The following VPS53 variants were observed in gnomAD, a reference collection of about 807,000 sequenced individuals.
The protein encoded by VPS53 is vacuolar protein sorting-associated protein 53 homolog.
In VPS53, 70 loss-of-function variants were observed where a neutral mutation model predicts 107.0. The ratio of observed to expected loss-of-function variants is 0.65; its 90% confidence interval spans 0.54 to 0.80. VPS53 has a LOEUF of 0.80. VPS53 is among the 30% of genes least tolerant of loss of function. The pLI, the probability that VPS53 is intolerant of heterozygous loss-of-function variation, is 0.00. For synonymous variants in VPS53, 409 were observed against 393.3 expected, an observed-to-expected ratio of 1.04 and a Z score of -0.47; for missense variants, 917 against 1,049.4, an observed-to-expected ratio of 0.87 and a Z score of 1.74.
chr17:616,469 C>T (rs1004845941), intron 11 of VPS53: 2 of 152,284 alleles, frequency 1.3e-5, no homozygotes, highest in Non-Finnish European at 2.9e-5. Flanking sequence ...AATATGAAAA[C>T]CAAAAAGGAA....
intron 13 of VPS53, among the ~76,000 whole-genome samples, chr17:572,522 G>A (rs532704293): frequency 6.6e-5 from 10 of 152,108 alleles, no homozygotes; most frequent in African/African-American, 2.2e-4. Context: ...GCGCGTCTGG[G>A]ACGTGTGCCC....
At chr17:652,528 C>T (rs1162033807) in intron 7 of VPS53, among the ~76,000 whole-genome samples, 1 of 152,110 alleles carries the variant, frequency 6.6e-6, no homozygotes, top group Non-Finnish European at 1.5e-5. Flanking sequence ...GTGAGGAAGT[C>T]CAAGCAGCCC....
rs938765341 is a variant in VPS53 at position 518,937 on chromosome 17, C to T, written c.*191G>A. The stretch of plus-strand genomic sequence containing the variant: ...CTAAATCGCCCTCTTAGAGCCCAGC[C>T]CTTACTCAGCGTCTCCGATTAGGGC... On this transcript the variant is annotated 3_prime_UTR_variant, in exon 22 of 22. Coordinates refer to ENST00000437048, the MANE Select transcript of VPS53 (RefSeq NM_001128159.3). 1.0e-5 allele frequency: 6 copies of T among 591,802 alleles called. No individual in the cohort carries two copies. The highest frequency in any genetic ancestry group is 1.6e-5 in the Non-Finnish European group (6 of 364,356). The allele number at this position is 591,802 out of a possible 1,614,324, so 36.7% of individuals were successfully genotyped here. A position where few individuals can be genotyped will look rare whatever the true frequency, so the allele number is the denominator to read the frequency against.
intron 13 of VPS53, among the ~76,000 whole-genome samples, chr17:570,446 T>C (rs1324768775): frequency 6.7e-6 from 1 of 149,690 alleles, no homozygotes; most frequent in Non-Finnish European, 1.5e-5. Flanking sequence ...TGCCTCCTGA[T>C]ATGAATTCCT....
chr17:704,682 C>T (rs554577759), intron 2 of VPS53, among the ~76,000 whole-genome samples: 108 of 152,210 alleles, frequency 7.1e-4, no homozygotes, highest in Non-Finnish European at 1.4e-3. Context: ...CGTGACTGTA[C>T]ATTATCATAT....
At chr17:585,799 A>T (rs1245339295) in intron 13 of VPS53, among the ~76,000 whole-genome samples, 2 of 152,250 alleles carry the variant, frequency 1.3e-5, no homozygotes, top group Non-Finnish European at 2.9e-5. Flanking sequence ...CGATTTTGGT[A>T]ACTCTGGTTG....
chr17:544,559 G>C (rs1567612223), intron 17 of VPS53, among the ~76,000 whole-genome samples: 1 of 152,122 alleles, frequency 6.6e-6, no homozygotes, highest in South Asian at 2.1e-4. Context: ...TGCAACCTCT[G>C]CCTCTCAGGC....
In VPS53 at chr17:521,667, C is replaced by T. The variant is rs1177596024; in HGVS notation, c.2157G>A (p.Arg719=). 1.9e-6 allele frequency: 3 copies of T among 1,550,930 alleles called. No individual in the cohort carries two copies. Among genetic ancestry groups the T allele is most frequent in the South Asian group, 1.2e-5 (1 of 83,886 alleles). The change falls in exon 20 of 22, where the codon AGG becomes AGA. Residue 719 remains arginine, a synonymous_variant. Coordinates refer to ENST00000437048, the MANE Select transcript of VPS53 (RefSeq NM_001128159.3). The part of the protein sequence containing the change: ...DLPSISSQVV[R]KAPASYTKIV... ...TCTTGGTGTAGCTGGCGGGTGCCTT[C>T]CTCACCACCTGCGAGCTGATGGAGG...
At chr17:522,760 A>G (rs757945619) in intron 19 of VPS53, among the ~76,000 whole-genome samples, 4 of 152,200 alleles carry the variant, frequency 2.6e-5, no homozygotes, top group African/African-American at 9.7e-5. Flanking sequence ...TGGGATGCCA[A>G]TTATCTAGAA....
chr17:705,752 T>C (rs907491072), intron 2 of VPS53: 6 of 151,994 alleles, frequency 3.9e-5, no homozygotes, highest in African/African-American at 1.2e-4. Flanking sequence ...ATAATAATAA[T>C]ACTCAGCTGG....
At chr17:635,072 T>C (rs1329700136) in intron 7 of VPS53, among the ~76,000 whole-genome samples, 1 of 152,244 alleles carries the variant, frequency 6.6e-6, no homozygotes, top group African/African-American at 2.4e-5. Context: ...TTCCTGACTT[T>C]TTAATGATCA....
intron 7 of VPS53, 126 bp downstream of exon 7, chr17:653,165 T>G: frequency 1.3e-6 from 2 of 1,561,486 alleles, no homozygotes; most frequent in Non-Finnish European, 1.7e-6. Flanking sequence ...CGGTGACAGT[T>G]TACCTTTTGG....
chr17:706,610 TTAAC>T (rs1274133023), intron 2 of VPS53, among the ~76,000 whole-genome samples: 1 of 152,144 alleles, frequency 6.6e-6, no homozygotes, highest in African/African-American at 2.4e-5. Flanking sequence ...TACTGTGAGA[TTAAC>T]TATCAAGATA....
At chr17:650,618 GAGGGTA>G (rs1480636695) in intron 7 of VPS53, among the ~76,000 whole-genome samples, 17 of 152,232 alleles carry the variant, frequency 1.1e-4, no homozygotes, top group African/African-American at 3.9e-4. Context: ...AAGTGTTGCT[GAGGGTA>G]AGGGTGCTCT....
At chr17:616,751 C>G (rs956523867) in intron 11 of VPS53, among the ~76,000 whole-genome samples, 1 of 152,254 alleles carries the variant, frequency 6.6e-6, no homozygotes, top group Non-Finnish European at 1.5e-5. Context: ...CTTGAGTAAG[C>G]TCCTGTCAGT....
At chr17:586,413 A>G in intron 12 of VPS53, 49 bp from the exon 13 acceptor site, 1 of 1,557,960 alleles carries the variant, frequency 6.4e-7, no homozygotes, top group Non-Finnish European at 8.8e-7. Flanking sequence ...ATCTTTGCAA[A>G]TGTTCAAGAA....
intron 5 of VPS53, 103 bp downstream of exon 5, chr17:661,706 G>C: frequency 1.8e-6 from 2 of 1,093,976 alleles, no homozygotes; most frequent in Non-Finnish European, 2.6e-6. Flanking sequence ...ACTCTGGTTG[G>C]CAGGAGGTGC....
In VPS53 at chr17:662,834, A is replaced by AAAGGAAGGAAGG. The variant is rs796580340; in HGVS notation, c.286-951_286-940dup. Among the ~76,000 whole-genome samples, 1,080 of 121,104 alleles carry AAAGGAAGGAAGG rather than the reference A, an allele frequency of 8.9e-3. 19 individuals are homozygous for AAAGGAAGGAAGG. The highest frequency in any genetic ancestry group is 0.03 in the African/African-American group (1,015 of 34,138). The allele number at this position is 121,104 out of a possible 152,430, so 79.4% of individuals were successfully genotyped here. A position where few individuals can be genotyped will look rare whatever the true frequency, so the allele number is the denominator to read the frequency against. On this transcript the variant is annotated intron_variant, in intron 4 of 21. Coordinates refer to ENST00000437048, the MANE Select transcript of VPS53 (RefSeq NM_001128159.3). ...AAAAGAAAGAAAGAGAAAGAGAAAG[A>AAAGGAAGGAAGG]AAGGAAGGAAGGAAGGAAGGAAGGA... is the stretch of plus-strand genomic sequence containing the variant.
intron 5 of VPS53, among the ~76,000 whole-genome samples, chr17:658,450 T>A (rs1166349127): frequency 6.9e-6 from 1 of 145,106 alleles, no homozygotes; most frequent in Non-Finnish European, 1.5e-5. Flanking sequence ...TACATCCCAC[T>A]GAAGTGAGAA....
Sources: gnomAD v4.1 joint callset for allele counts (sites outside exome capture counted in the v4.1 genomes callset) on GRCh38, gnomAD v4.1.1 for gene constraint, MANE v1.5 for transcripts, NCBI Gene and HGNC (gene_info 2026-07-23, HGNC 2026-07-21) for gene names.